Variants in B4GALNT3 observed in about 807,000 individuals in gnomAD.
B4GALNT3 encodes beta-1,4-N-acetyl-galactosaminyltransferase 3.
In B4GALNT3, 86 loss-of-function variants were observed where a neutral mutation model predicts 120.2. The ratio of observed to expected loss-of-function variants is 0.72; its 90% confidence interval spans 0.60 to 0.86. B4GALNT3 has a LOEUF of 0.86. Among genes scored for constraint, B4GALNT3 ranks in the 40% least tolerant of loss-of-function variants. The probability of loss-of-function intolerance (pLI) is 0.00; values close to 1 mark genes in which losing one functional copy is unlikely to be tolerated. For missense variants in B4GALNT3, 1,167 were observed against 1,298.9 expected, an observed-to-expected ratio of 0.90 and a Z score of 1.56; for synonymous variants, 518 against 510.4, an observed-to-expected ratio of 1.01 and a Z score of -0.20.
At chr12:523,330 C>G (rs1336923124) in intron 1 of B4GALNT3, among the ~76,000 whole-genome samples, 1 of 152,202 alleles carries the variant, frequency 6.6e-6, no homozygotes, top group East Asian at 1.9e-4. Context: ...TGCCTGATTT[C>G]TATAGTGAGA....
chr12:543,129 G>C, intron 3 of B4GALNT3: 1 of 1,289,560 alleles, frequency 7.8e-7, no homozygotes, highest in Non-Finnish European at 1.0e-6. Flanking sequence ...GGTCCAGGGA[G>C]AGTATGTGTG....
chr12:526,257 G>A (rs1218093656), intron 1 of B4GALNT3, among the ~76,000 whole-genome samples: 3 of 152,158 alleles, frequency 2.0e-5, no homozygotes, highest in Non-Finnish European at 4.4e-5. Flanking sequence ...CTGATGGTTG[G>A]TTCACTGACT....
At chr12:484,704 G>T (rs1048040870) in intron 1 of B4GALNT3, among the ~76,000 whole-genome samples, 1 of 151,824 alleles carries the variant, frequency 6.6e-6, no homozygotes, top group African/African-American at 2.4e-5. Flanking sequence ...CCTGGCCCCA[G>T]GCTGGCCCAA....
intron 3 of B4GALNT3, chr12:540,431 C>A: frequency 6.6e-6 from 1 of 152,326 alleles, no homozygotes. Context: ...GAGCTGTTCC[C>A]TCTGCCTGGG....
intron 11 of B4GALNT3, among the ~76,000 whole-genome samples, chr12:551,668 A>C (rs1210991440): frequency 6.6e-6 from 1 of 152,154 alleles, no homozygotes; most frequent in African/African-American, 2.4e-5. Context: ...GCAGTGAAGT[A>C]AATAGGAAGA....
At chr12:478,671 C>T (rs748653557) in intron 1 of B4GALNT3, among the ~76,000 whole-genome samples, 39 of 152,190 alleles carry the variant, frequency 2.6e-4, no homozygotes, top group Non-Finnish European at 4.6e-4. Flanking sequence ...CTATCTTTTT[C>T]TGATCCTTTG....
At chr12:540,285 A>T (rs1400861874) in intron 3 of B4GALNT3, among the ~76,000 whole-genome samples, 1 of 152,126 alleles carries the variant, frequency 6.6e-6, no homozygotes, top group Non-Finnish European at 1.5e-5. Flanking sequence ...TTGAGGACCA[A>T]CCTCTCTTTC....
In B4GALNT3 at chr12:550,147, C is replaced by G. The variant is rs766907721; in HGVS notation, c.997+235C>G. Among the ~76,000 whole-genome samples, 1 of 152,152 alleles carries G rather than the reference C, an allele frequency of 6.6e-6. No individual in the cohort carries two copies. The highest frequency in any genetic ancestry group is 1.5e-5 in the Non-Finnish European group (1 of 68,038). ...CATTACAGAGTGAACGTTTGTGGAA[C>G]CACCACCCACAACAAGAAATAGAGT... is the stretch of plus-strand genomic sequence containing the variant. On this transcript the variant is annotated intron_variant, in intron 10 of 19. Coordinates refer to ENST00000266383, the MANE Select transcript of B4GALNT3 (RefSeq NM_173593.4). The surrounding 1 kb of genome is among the most constrained non-coding windows in gnomAD (Gnocchi z 4.1).
Position 553,474 on chromosome 12 carries a change from A to ACCCAGCCCTGAG in B4GALNT3, c.1559_1570dup (p.Pro520_Ser523dup). The stretch of plus-strand genomic sequence containing the variant: ...AGCAGCCAGAGAAGAGGAAGCAAAA[A>ACCCAGCCCTGAG]CCCAGCCCTGAGCCCAGCCAAGATT... On this transcript the variant is annotated inframe_insertion, in exon 14 of 20. Transcript: ENST00000266383. 1 of 1,614,054 alleles carries ACCCAGCCCTGAG rather than the reference A, an allele frequency of 6.2e-7. No homozygotes were observed. The highest frequency in any genetic ancestry group is 8.5e-7 in the Non-Finnish European group (1 of 1,180,026).
At chr12:516,826 A>G (rs1946661388) in intron 1 of B4GALNT3, among the ~76,000 whole-genome samples, 1 of 152,150 alleles carries the variant, frequency 6.6e-6, no homozygotes, top group Non-Finnish European at 1.5e-5. Flanking sequence ...TGGAAGAGCG[A>G]TGATGTCTAG....
At chr12:497,151 A>C (rs968382988) in intron 1 of B4GALNT3, among the ~76,000 whole-genome samples, 1 of 150,480 alleles carries the variant, frequency 6.6e-6, no homozygotes, top group East Asian at 2.0e-4. Flanking sequence ...TATTATTATT[A>C]TTTTTTTAAT....
chr12:546,449 G>A (rs1456479923), intron 6 of B4GALNT3, among the ~76,000 whole-genome samples, 197 bp from the exon 7 acceptor site: 2 of 152,040 alleles, frequency 1.3e-5, no homozygotes, highest in African/African-American at 4.8e-5. Flanking sequence ...CTGGCAAGGC[G>A]GGCTGCCTCC....
chr12:460,466 C>G lies in B4GALNT3; in HGVS notation c.90C>G (p.Ala30=), dbSNP rs370603270. 8 of 1,585,408 alleles carry G rather than the reference C, an allele frequency of 5.0e-6. No individual in the cohort carries two copies. Among genetic ancestry groups the G allele is most frequent in the Admixed American group, 3.5e-5 (2 of 57,414 alleles). ...GCTTCCGGCTGCTGCTGGCGCTCGCCGTGGTGTCTGTGGGGCTCTGGACTC... is the reference window on the plus strand; with the variant it reads ...GCTTCCGGCTGCTGCTGGCGCTCGCGGTGGTGTCTGTGGGGCTCTGGACTC... ...RRRFRLLLAL[A]VVSVGLWTLY... Residue 30 remains alanine (A), a synonymous_variant, in exon 1 of 20, where the codon GCC becomes GCG. Transcript: ENST00000266383. The surrounding 1 kb of genome is among the most constrained non-coding windows in gnomAD (Gnocchi z 8.0).
At chr12:480,504 C>CATTACGGAAGGCTTGACGGCCTGG (rs377080850) in intron 1 of B4GALNT3, among the ~76,000 whole-genome samples, 6 of 151,112 alleles carry the variant, frequency 4.0e-5, no homozygotes, top group South Asian at 2.1e-4. Context: ...GTCCCCCTGA[C>CATTACGGAAGGCTTGACGGCCTGG]TGACATTATT....
chr12:502,649 G>A (rs916134947), intron 1 of B4GALNT3, among the ~76,000 whole-genome samples: 5 of 152,256 alleles, frequency 3.3e-5, no homozygotes, highest in Admixed American at 6.5e-5. Context: ...GGAAGGCAGT[G>A]AGTGGTGTTC....
chr12:521,969 C>CT (rs11421108), intron 1 of B4GALNT3, among the ~76,000 whole-genome samples: 100,388 of 146,502 alleles, frequency 0.69, 34,302 homozygotes, highest in East Asian at 0.74. Context: ...CTCAGAAGTT[C>CT]TTTTTTTTTT....
chr12:469,019 T>G (rs143876687), intron 1 of B4GALNT3, among the ~76,000 whole-genome samples: 9 of 152,186 alleles, frequency 5.9e-5, no homozygotes, highest in Non-Finnish European at 8.8e-5. Context: ...TATTCTGCAG[T>G]TTTTATTTAT....
At chr12:520,101 G>A (rs1946692816) in intron 1 of B4GALNT3, among the ~76,000 whole-genome samples, 2 of 152,196 alleles carry the variant, frequency 1.3e-5, no homozygotes, top group African/African-American at 2.4e-5. Flanking sequence ...CGCTGGCTCA[G>A]GGAAAAGGGA....
Position 545,468 on chromosome 12 carries a change from A to T in B4GALNT3, c.638A>T (p.Lys213Met). The T allele has an allele frequency of 8.8e-6, 14 of 1,598,110 alleles. No individual in the cohort carries two copies. Among genetic ancestry groups the T allele is most frequent in the South Asian group, 1.1e-5 (1 of 88,230 alleles). ...CTCCAGCTGCTGGCCAGTGTGGGCA[A>T]GGTAAGGCCAGCTCAACCCCGGTCC... ...SGLQLLASVG[K>M]TGKEWTAPGE... Residue 213 changes from lysine to methionine, a missense_variant and splice_region_variant, in exon 6 of 20, where the codon AAG becomes ATG. This residue lies in a region of B4GALNT3 where 983 missense variants were observed against 1,102.5 expected (regional missense o/e 0.89). Transcript: ENST00000266383.
Sources: gnomAD v4.1 joint callset for allele counts (sites outside exome capture counted in the v4.1 genomes callset) on GRCh38, gnomAD v4.1.1 for gene constraint, gnomAD v4.1.1 regional missense constraint, Gnocchi (gnomAD v3.1) non-coding constraint, MANE v1.5 for transcripts, NCBI Gene and HGNC (gene_info 2026-07-23, HGNC 2026-07-21) for gene names.